SPATA16: variants seen among roughly 807,000 people sequenced by gnomAD.
SPATA16 encodes spermatogenesis associated 16.
A neutral mutation model predicts 63.3 loss-of-function variants in SPATA16; 36 were observed. The observed-to-expected ratio is 0.57, with a 90% CI of 0.44 to 0.75. The LOEUF (loss-of-function observed/expected upper bound fraction) is 0.75, where lower values mean the gene tolerates loss of function less well. SPATA16 is among the 30% of genes least tolerant of loss of function. The pLI is 0.00. For missense variants in SPATA16, 646 were observed against 679.3 expected, an observed-to-expected ratio of 0.95 and a Z score of 0.54; for synonymous variants, 203 against 216.7, an observed-to-expected ratio of 0.94 and a Z score of 0.56.
At chr3:173,055,701 T>C (rs1337509874) in intron 2 of SPATA16, among the ~76,000 whole-genome samples, 3 of 152,328 alleles carry the variant, frequency 2.0e-5, no homozygotes, top group African/African-American at 7.2e-5. Flanking sequence ...CAGATTTACA[T>C]GTCATAAACT....
chr3:172,959,447 C>G (rs1733690668), intron 5 of SPATA16, among the ~76,000 whole-genome samples: 1 of 152,198 alleles, frequency 6.6e-6, no homozygotes, highest in African/African-American at 2.4e-5. Context: ...CTCCCTCTCT[C>G]CCCACTGAGA....
intron 4 of SPATA16, among the ~76,000 whole-genome samples, chr3:173,016,381 T>C (rs1444165070): frequency 6.6e-6 from 1 of 152,244 alleles, no homozygotes; most frequent in African/African-American, 2.4e-5. Context: ...GGAATCATTC[T>C]GGCCTATTTA....
In SPATA16 at chr3:172,933,850, T is replaced by C. The variant is rs1215317195; in HGVS notation, c.1082-8358A>G. Among the ~76,000 whole-genome samples the C allele has an allele frequency of 5.9e-5, 9 of 152,262 alleles. No individual in the cohort carries two copies. In the East Asian group the frequency reaches 7.7e-4, roughly 13 times the overall value. On this transcript the variant is annotated intron_variant, in intron 6 of 10. Transcript: ENST00000351008. ...AGTTCAATATATCTTACAAATAATA[T>C]AGGATCCTTACTATAGATGAGATGT...
At chr3:172,925,559 C>CG in intron 6 of SPATA16, 67 bp from the exon 7 acceptor site, 1 of 1,601,434 alleles carries the variant, frequency 6.2e-7, no homozygotes, top group Non-Finnish European at 8.5e-7. Context: ...GGTTTTCCCC[C>CG]CCAGATTTCA....
intron 4 of SPATA16, among the ~76,000 whole-genome samples, chr3:172,997,334 T>TA (rs2108264149): frequency 6.6e-6 from 1 of 152,284 alleles, no homozygotes; most frequent in Non-Finnish European, 1.5e-5. Context: ...GGTATCTCAT[T>TA]ATTGTTTTAA....
intron 4 of SPATA16, among the ~76,000 whole-genome samples, chr3:173,007,913 A>G: frequency 6.6e-6 from 1 of 152,192 alleles, no homozygotes; most frequent in Non-Finnish European, 1.5e-5. Flanking sequence ...CATTTAGGGT[A>G]AGAGTTTGCT....
In SPATA16 at chr3:173,079,371, G is replaced by GA. The variant is rs536407704; in HGVS notation, c.613-30278dup. On this transcript the variant is annotated intron_variant, in intron 2 of 10. Coordinates refer to ENST00000351008, the MANE Select transcript of SPATA16 (RefSeq NM_031955.6). ...GATGAAATCTTCTGTTAAAATAAGT[G>GA]AAAAAATTAGAGCTTAATAAAGTGA... Among the ~76,000 whole-genome samples, 86 of 152,130 alleles carry GA rather than the reference G, an allele frequency of 5.7e-4. 1 individual carries two copies. Among genetic ancestry groups the GA allele is most frequent in the African/African-American group, 2.0e-3 (84 of 41,516 alleles).
intron 6 of SPATA16, among the ~76,000 whole-genome samples, chr3:172,953,833 G>A (rs1733508478): frequency 6.6e-6 from 1 of 152,324 alleles, no homozygotes; most frequent in East Asian, 1.9e-4. Context: ...GCTGGTGAAT[G>A]TGGTTAGATA....
At chr3:172,912,337 C>T (rs113922593) in intron 10 of SPATA16, among the ~76,000 whole-genome samples, 65 of 152,166 alleles carry the variant, frequency 4.3e-4, no homozygotes, top group African/African-American at 1.5e-3. Flanking sequence ...TCATAAGGAC[C>T]ATACAGGCAA....
In SPATA16 at chr3:172,960,954, CCT is replaced by C. The variant is rs371690526; in HGVS notation, c.934-4132_934-4131del. ...CCTTCTCTTTCTCTCTTCCCCCCTC[CCT>C]CTCTCTCTCTCTTTCTTTTTCTCTT... On this transcript the variant is annotated intron_variant, in intron 5 of 10. Transcript: ENST00000351008. Among the ~76,000 whole-genome samples, 516 of 142,472 alleles carry C rather than the reference CCT, an allele frequency of 3.6e-3. 4 individuals carry two copies. Among genetic ancestry groups the C allele is most frequent in the Middle Eastern group, 0.016 (4 of 254 alleles). 93.5% of individuals were successfully genotyped at this position (142,472 alleles called of 152,430 possible).
chr3:173,109,021 T>C (rs766919917), intron 2 of SPATA16, among the ~76,000 whole-genome samples: 1 of 152,212 alleles, frequency 6.6e-6, no homozygotes, highest in Non-Finnish European at 1.5e-5. Context: ...CCTACGATGT[T>C]CATAATCTTT....
intron 3 of SPATA16, among the ~76,000 whole-genome samples, chr3:173,047,058 A>T (rs1041355843): frequency 6.6e-6 from 1 of 152,070 alleles, no homozygotes; most frequent in East Asian, 1.9e-4. Flanking sequence ...AAGGTCTTGA[A>T]AAAGCATTCT....
In SPATA16 at chr3:173,085,864, C is replaced by A. The variant is rs192849470; in HGVS notation, c.612+31256G>T. Among the ~76,000 whole-genome samples the A allele has an allele frequency of 5.4e-4, 82 of 152,224 alleles. 1 individual carries two copies. The highest frequency in any genetic ancestry group is 2.6e-4 in the Non-Finnish European group (18 of 68,010). Reference sequence around the variant, plus strand: ...CCAGCCTTGCATCCCAGGGATAATGCCAACTTGATCGTGGTAAATAAGCTT... The same window carrying A: ...CCAGCCTTGCATCCCAGGGATAATGACAACTTGATCGTGGTAAATAAGCTT... On this transcript the variant is annotated intron_variant, in intron 2 of 10. Coordinates refer to ENST00000351008, the MANE Select transcript of SPATA16 (RefSeq NM_031955.6).
intron 1 of SPATA16, among the ~76,000 whole-genome samples, chr3:173,139,272 G>A (rs1385047971): frequency 1.3e-5 from 2 of 152,098 alleles, no homozygotes; most frequent in Non-Finnish European, 2.9e-5. Context: ...TTAGACAGAT[G>A]GCTCATGCTC....
In SPATA16 at chr3:173,133,676, A is replaced by C. The variant is rs576315221; in HGVS notation, c.-19+7427T>G. 2.0e-5 allele frequency among the ~76,000 whole-genome samples: 3 copies of C among 152,288 alleles called. No homozygotes were observed. In the East Asian group the frequency reaches 5.8e-4, roughly 29 times the overall value. ...AATAACAAGGCTTTTACGTACATAA[A>C]ATATAAAAAAATTGATGAATACAAG... is the stretch of plus-strand genomic sequence containing the variant. On this transcript the variant is annotated intron_variant, in intron 1 of 10. Coordinates refer to ENST00000351008, the MANE Select transcript of SPATA16 (RefSeq NM_031955.6).
At chr3:172,964,349 C>G (rs889507029) in intron 5 of SPATA16, among the ~76,000 whole-genome samples, 1 of 151,892 alleles carries the variant, frequency 6.6e-6, no homozygotes, top group Non-Finnish European at 1.5e-5. Context: ...TTCTATAGAC[C>G]CTGAATAATT....
chr3:172,922,934 A>G (rs148348703), intron 8 of SPATA16, among the ~76,000 whole-genome samples: 3 of 152,258 alleles, frequency 2.0e-5, no homozygotes, highest in Admixed American at 2.0e-4. Flanking sequence ...AAAACAAAAA[A>G]CAAAAAACAA....
intron 2 of SPATA16, among the ~76,000 whole-genome samples, chr3:173,113,169 T>A (rs1331098668): frequency 6.6e-6 from 1 of 152,238 alleles, no homozygotes; most frequent in Non-Finnish European, 1.5e-5. Context: ...CATATTTTTT[T>A]AAATAGAATC....
chr3:172,904,803 C>A (rs527240981), intron 10 of SPATA16, among the ~76,000 whole-genome samples: 6 of 152,290 alleles, frequency 3.9e-5, no homozygotes, highest in Non-Finnish European at 8.8e-5. Context: ...ATTCCACAGG[C>A]GAGGCTTGGG....
Sources: allele counts gnomAD v4.1 joint callset (sites outside exome capture counted in the v4.1 genomes callset), GRCh38; gene constraint gnomAD v4.1.1; transcripts MANE v1.5; gene names NCBI Gene and HGNC (gene_info 2026-07-23, HGNC 2026-07-21).